KIF13B: variants seen among roughly 807,000 people sequenced by gnomAD.
KIF13B encodes the protein kinesin family member 13B.
KIF13B carries 127 observed loss-of-function variants against 222.0 expected under a neutral mutation model. That is an observed-to-expected ratio of 0.57 (90% CI 0.50 to 0.66). The LOEUF (loss-of-function observed/expected upper bound fraction) is 0.66, where lower values mean the gene tolerates loss of function less well. Among genes scored for constraint, KIF13B ranks in the 30% least tolerant of loss-of-function variants. The pLI is 0.00. For synonymous variants in KIF13B, 976 were observed against 919.0 expected (o/e 1.06, Z -1.12); for missense variants, 2,173 against 2,379.0 (o/e 0.91, Z 1.80).
rs1813047228 is a variant in KIF13B at position 29,188,627 on chromosome 8, A to C, written c.224-20T>G. 7 of 1,531,576 alleles carry C rather than the reference A, an allele frequency of 4.6e-6. No individual in the cohort carries two copies. In the South Asian group the frequency reaches 7.1e-5, roughly 15 times the overall value. 94.9% of individuals were successfully genotyped at this position (1,531,576 alleles called of 1,614,324 possible). A position where few individuals can be genotyped will look rare whatever the true frequency, so the allele number is the denominator to read the frequency against. ...CTTGACCTGAGAGAGAGAGAATAAG[A>C]GAAAAGATATTTTAAGCCAAAACTA... is the stretch of plus-strand genomic sequence containing the variant. On this transcript the variant is annotated intron_variant, in intron 4 of 39. Transcript: ENST00000524189.
chr8:29,233,203 G>A (rs1195951290), intron 2 of KIF13B, among the ~76,000 whole-genome samples: 11 of 152,116 alleles, frequency 7.2e-5, no homozygotes, highest in Non-Finnish European at 1.2e-4. Context: ...TTCCATCTTG[G>A]TTCTTCAAAT....
intron 36 of KIF13B, among the ~76,000 whole-genome samples, chr8:29,094,570 T>C (rs1211741398): frequency 6.6e-6 from 1 of 152,168 alleles, no homozygotes; most frequent in African/African-American, 2.4e-5. Context: ...CCACAGGGAA[T>C]GGGAATTAAC....
Position 29,118,978 on chromosome 8 carries a change from A to G in KIF13B, c.3550T>C (p.Ser1184Pro), listed in dbSNP as rs1269754390. The G allele has an allele frequency of 6.2e-7, 1 of 1,613,446 alleles. No individual in the cohort carries two copies. The highest frequency in any genetic ancestry group is 8.5e-7 in the Non-Finnish European group (1 of 1,179,748). The stretch of plus-strand genomic sequence containing the variant: ...TCTGGGTCATCAAGATTATCCTGAG[A>G]GCTGAAATCATCAGCTAAAAGCAAA... ...FLDLNADDFS[S>P]QDNLDDPEAG... The change falls in exon 30 of 40, where the codon TCT becomes CCT. Residue 1184 changes from serine (S) to proline (P), a missense_variant. Coordinates refer to ENST00000524189, the MANE Select transcript of KIF13B (RefSeq NM_015254.4).
Position 29,214,236 on chromosome 8 carries a change from G to A in KIF13B, c.150-18037C>T, listed in dbSNP as rs150765808. Among the ~76,000 whole-genome samples the A allele has an allele frequency of 5.3e-5, 8 of 152,292 alleles. 1 individual carries two copies. In the East Asian group the frequency reaches 1.5e-3, roughly 29 times the overall value. On this transcript the variant is annotated intron_variant, in intron 2 of 39. Coordinates refer to ENST00000524189, the MANE Select transcript of KIF13B (RefSeq NM_015254.4). ...GTAAACTAACCAACCTTAGCTTACT[G>A]TAAAGTTTTTACTTTATAAACTTTT...
At chr8:29,250,170 C>A in intron 1 of KIF13B, 2 of 594,304 alleles carry the variant, frequency 3.4e-6, no homozygotes, top group Non-Finnish European at 5.6e-6. Context: ...TAGTTTCTTG[C>A]AAGAACATTT....
intron 36 of KIF13B, among the ~76,000 whole-genome samples, chr8:29,094,523 A>G (rs1280430385): frequency 6.6e-6 from 1 of 152,274 alleles, no homozygotes; most frequent in Non-Finnish European, 1.5e-5. Flanking sequence ...AAACTGCAGA[A>G]GTAATCTAGA....
At chr8:29,145,458 C>T (rs375612510) in intron 18 of KIF13B, among the ~76,000 whole-genome samples, 3 of 152,000 alleles carry the variant, frequency 2.0e-5, no homozygotes, top group African/African-American at 7.2e-5. Flanking sequence ...CAGCAAAACC[C>T]CATCTCTACT....
intron 2 of KIF13B, among the ~76,000 whole-genome samples, chr8:29,245,102 A>G (rs1392658117): frequency 6.6e-6 from 1 of 152,346 alleles, no homozygotes; most frequent in Non-Finnish European, 1.5e-5. Flanking sequence ...TTGCTTCTCA[A>G]CATAACACTC....
chr8:29,217,236 G>A (rs1295423080), intron 2 of KIF13B, among the ~76,000 whole-genome samples: 1 of 152,202 alleles, frequency 6.6e-6, no homozygotes, highest in Non-Finnish European at 1.5e-5. Flanking sequence ...TCACTCAAGG[G>A]TGAGGGGTCA....
chr8:29,234,432 G>A (rs1035909951), intron 2 of KIF13B, among the ~76,000 whole-genome samples: 1 of 150,932 alleles, frequency 6.6e-6, no homozygotes, highest in Non-Finnish European at 1.5e-5. Context: ...AATACTGTAT[G>A]ATTCCATTTA....
At chr8:29,259,124 C>G (rs974468684) in intron 1 of KIF13B, among the ~76,000 whole-genome samples, 1 of 152,160 alleles carries the variant, frequency 6.6e-6, no homozygotes, top group Middle Eastern at 3.4e-3. Context: ...ACAGAGAAAA[C>G]GATCTTCCTT....
intron 29 of KIF13B, among the ~76,000 whole-genome samples, 191 bp downstream of exon 29, chr8:29,122,400 A>G (rs1809908470): frequency 3.3e-5 from 5 of 152,238 alleles, no homozygotes; most frequent in Non-Finnish European, 7.3e-5. Context: ...AAGCACGCCT[A>G]TTATTGTCAT....
At chr8:29,090,814 A>G (rs1002925381) in intron 37 of KIF13B, among the ~76,000 whole-genome samples, 10 of 152,152 alleles carry the variant, frequency 6.6e-5, no homozygotes, top group African/African-American at 2.4e-4. Flanking sequence ...CGTTCAAGCG[A>G]TTCTCATGCC....
At chr8:29,111,430 TAAG>T (rs1187328295) in intron 32 of KIF13B, among the ~76,000 whole-genome samples, 1 of 152,240 alleles carries the variant, frequency 6.6e-6, no homozygotes, top group East Asian at 1.9e-4. Context: ...ACTTGCCTAT[TAAG>T]GGATCTTTTT....
intron 37 of KIF13B, among the ~76,000 whole-genome samples, chr8:29,087,208 T>C (rs1173975199): frequency 6.6e-6 from 1 of 152,154 alleles, no homozygotes; most frequent in Admixed American, 6.5e-5. Flanking sequence ...GTGGAGAAGG[T>C]AGTTACCTGC....
chr8:29,143,680 T>C (rs1400839133), intron 18 of KIF13B, among the ~76,000 whole-genome samples: 1 of 152,058 alleles, frequency 6.6e-6, no homozygotes, highest in Non-Finnish European at 1.5e-5. Flanking sequence ...ACCCCGTCTC[T>C]ACTAAAAATA....
At chr8:29,130,725 A>C in intron 23 of KIF13B, 60 bp from the exon 24 acceptor site, 1 of 1,498,656 alleles carries the variant, frequency 6.7e-7, no homozygotes, top group South Asian at 1.1e-5. Context: ...CAGGCAGCTT[A>C]GGGTCCTACA....
Position 29,116,931 on chromosome 8 carries a change from C to T in KIF13B, c.3737G>A (p.Arg1246Gln), listed in dbSNP as rs756797507. 1.7e-5 allele frequency: 28 copies of T among 1,613,056 alleles called. No individual in the cohort carries two copies. The highest frequency in any genetic ancestry group is 1.0e-4 in the Admixed American group (6 of 59,968). Residue 1246 changes from arginine (R) to glutamine (Q), a missense_variant, in exon 31 of 40, where the codon CGG (arginine) becomes CAG (glutamine). Arg to Gln is a conservative substitution (Grantham distance 43). Transcript: ENST00000524189. ...CGTCACGCGCACGATCAGGAACAAC[C>T]GCTCGTCCACGGGCGTGCCCCTGCT... ...QLSRGTPVDERLFLIVRVTVQ... is the reference protein window; with the variant it reads ...QLSRGTPVDEQLFLIVRVTVQ...
rs753777836 is a variant in KIF13B, at chr8:29,099,159, G to A, written c.4298C>T (p.Pro1433Leu). Reference sequence around the variant, plus strand: ...TGGATCTGGAGAATGGTTATTTTGGGGAGAAACAGAGAGGGCGGGGGCAGG... The same window carrying A: ...TGGATCTGGAGAATGGTTATTTTGGAGAGAAACAGAGAGGGCGGGGGCAGG... Reference protein sequence around the residue: ...IAPAPALSVSPQNNHSPDPGL... With the variant: ...IAPAPALSVSLQNNHSPDPGL... The change falls in exon 36 of 40, where the codon CCC becomes CTC. Residue 1433 changes from proline (P) to leucine (L), a missense_variant. By Grantham distance (98) the Pro-to-Leu change is moderately conservative. Transcript: ENST00000524189. 19 of 1,613,214 alleles carry A rather than the reference G, an allele frequency of 1.2e-5. 1 individual carries two copies. In the South Asian group the frequency reaches 2.0e-4, roughly 17 times the overall value.
Sources: allele counts gnomAD v4.1 joint callset (sites outside exome capture counted in the v4.1 genomes callset), GRCh38; gene constraint gnomAD v4.1.1; transcripts MANE v1.5; gene names NCBI Gene and HGNC (gene_info 2026-07-23, HGNC 2026-07-21).